CRYBG1: variants seen among roughly 807,000 people sequenced by gnomAD.
The protein encoded by CRYBG1 is crystallin beta-gamma domain containing 1, also known as beta/gamma crystallin domain-containing protein 1.
Under a neutral mutation model 189.2 loss-of-function variants are expected in CRYBG1, and 139 were observed. The ratio of observed to expected loss-of-function variants is 0.73; its 90% CI spans 0.64 to 0.85. The LOEUF is 0.85. Ranked by LOEUF, CRYBG1 falls within the 40% of genes least tolerant of loss-of-function variation. The pLI, the probability that CRYBG1 is intolerant of heterozygous loss-of-function variation, is 0.00. For missense variants in CRYBG1, 2,611 were observed against 2,675.8 expected, an observed-to-expected ratio of 0.98 and a Z score of 0.53; for synonymous variants, 1,023 against 1,017.1, an observed-to-expected ratio of 1.01 and a Z score of -0.11.
chr6:106,528,628 A>G (rs1413954265), intron 7 of CRYBG1, among the ~76,000 whole-genome samples: 1 of 152,116 alleles, frequency 6.6e-6, no homozygotes, highest in Non-Finnish European at 1.5e-5. Flanking sequence ...GTGATTGGCA[A>G]CTGGGGAAGG....
At chr6:106,472,846 G>C (rs948353809) in intron 2 of CRYBG1, among the ~76,000 whole-genome samples, 4 of 150,750 alleles carry the variant, frequency 2.7e-5, no homozygotes, top group African/African-American at 9.8e-5. Flanking sequence ...GGAGGCTACA[G>C]TGAGCCAAGA....
intron 2 of CRYBG1, among the ~76,000 whole-genome samples, chr6:106,500,428 A>C (rs1465127274): frequency 7.2e-5 from 7 of 96,812 alleles, no homozygotes; most frequent in Middle Eastern, 4.6e-3. Flanking sequence ...CACTAAAAAA[A>C]AAAACAAAAA....
At chr6:106,384,049 G>A (rs1770338233) in intron 1 of CRYBG1, among the ~76,000 whole-genome samples, 2 of 152,238 alleles carry the variant, frequency 1.3e-5, no homozygotes, top group Admixed American at 1.3e-4. Flanking sequence ...CCAGGTGACA[G>A]CAGGTGTGAA....
rs1207715370 is a variant in CRYBG1, at chr6:106,511,830, T to C, written c.713T>C (p.Leu238Pro). 2 of 1,518,238 alleles carry C rather than the reference T, an allele frequency of 1.3e-6. No homozygotes were observed. The highest frequency in any genetic ancestry group is 2.0e-5 in the Admixed American group (1 of 49,280). 94.0% of individuals were successfully genotyped at this position (1,518,238 alleles called of 1,614,324 possible). ...HENDSPQLEPLEAEGEPFPDA... is the reference protein window; with the variant it reads ...HENDSPQLEPPEAEGEPFPDA... ...AATGATTCACCCCAATTAGAACCTCTGGAGGCAGAGGGAGAGCCTTTCCCA... is the reference window on the plus strand; with the variant it reads ...AATGATTCACCCCAATTAGAACCTCCGGAGGCAGAGGGAGAGCCTTTCCCA... Residue 238 changes from leucine to proline, a missense_variant, in exon 3 of 22, where the codon CTG (leucine) becomes CCG (proline). Around this residue, in one of 3 missense-constraint regions of CRYBG1, gnomAD observed 985 missense variants for 924.4 expected, o/e 1.07. Coordinates refer to ENST00000633556, the MANE Select transcript of CRYBG1 (RefSeq NM_001371242.2).
chr6:106,420,043 A>G (rs772974915), intron 1 of CRYBG1, among the ~76,000 whole-genome samples: 1 of 152,246 alleles, frequency 6.6e-6, no homozygotes, highest in Non-Finnish European at 1.5e-5. Flanking sequence ...TGAGTCCCAC[A>G]GAAGTCCTCC....
chr6:106,375,417 G>GTAAA (rs1491556320), intron 1 of CRYBG1, among the ~76,000 whole-genome samples: 1,429 of 133,326 alleles, frequency 0.011, 26 homozygotes, highest in African/African-American at 0.046. Context: ...AAGTAAGTAA[G>GTAAA]TAAGTAAATA....
chr6:106,516,810 G>C (rs1483201903), intron 3 of CRYBG1, among the ~76,000 whole-genome samples: 4 of 152,102 alleles, frequency 2.6e-5, no homozygotes, highest in African/African-American at 9.7e-5. Flanking sequence ...CTGTGGCCCT[G>C]TCACTTATCA....
At chr6:106,374,671 A>G (rs17066916) in intron 1 of CRYBG1, among the ~76,000 whole-genome samples, 8,488 of 152,332 alleles carry the variant, frequency 0.056, 394 homozygotes, top group East Asian at 0.16. Flanking sequence ...AAGGAATTCC[A>G]GAGAACACTT....
chr6:106,449,022 A>T (rs1307454553), intron 1 of CRYBG1, among the ~76,000 whole-genome samples: 1 of 152,184 alleles, frequency 6.6e-6, no homozygotes, highest in Non-Finnish European at 1.5e-5. Flanking sequence ...CTTTTGTTTT[A>T]TATGTGATAA....
chr6:106,371,992 A>G (rs939015701), intron 1 of CRYBG1, among the ~76,000 whole-genome samples: 1 of 152,204 alleles, frequency 6.6e-6, no homozygotes, highest in Non-Finnish European at 1.5e-5. Flanking sequence ...TAGAGAGGCG[A>G]TGTCTCCATC....
chr6:106,511,456 C>T lies in CRYBG1; in HGVS notation c.339C>T (p.Asn113=), dbSNP rs1773254761. 2.0e-6 allele frequency: 3 copies of T among 1,535,754 alleles called. No homozygotes were observed. In the South Asian group the frequency reaches 3.6e-5, roughly 18 times the overall value. The change falls in exon 3 of 22, where the codon AAC becomes AAT. Residue 113 remains asparagine (N), a synonymous_variant. Transcript: ENST00000633556. ...CCAGAGCACAACCTCCAGAAGACAA[C>T]AGAAGGAAGCCAGTTTTGGGGAAAC... The part of the protein sequence containing the change: ...KKSRAQPPED[N]RRKPVLGKLG...
At chr6:106,441,328 T>C (rs1403598360) in intron 1 of CRYBG1, among the ~76,000 whole-genome samples, 1 of 152,146 alleles carries the variant, frequency 6.6e-6, no homozygotes, top group African/African-American at 2.4e-5. Context: ...CAAGGACAAC[T>C]TTATTTGGAT....
chr6:106,452,799 C>A (rs751037794), intron 2 of CRYBG1, among the ~76,000 whole-genome samples: 1 of 152,154 alleles, frequency 6.6e-6, no homozygotes, highest in Non-Finnish European at 1.5e-5. Flanking sequence ...TGTAGAAAGA[C>A]ATTACTCATG....
At position 106,412,321 on chromosome 6, in the gene CRYBG1, T is replaced by C. The variant is rs114059080; in HGVS notation, c.174-39373T>C. Among the ~76,000 whole-genome samples, 1,040 of 152,352 alleles carry C rather than the reference T, an allele frequency of 6.8e-3. 15 individuals are homozygous for C. The highest frequency in any genetic ancestry group is 0.023 in the African/African-American group (971 of 41,588). ...TTATGCTGATGGCTTGAGTTTCCTC[T>C]TCTTTTGCCACTTTAAAATTCTCTT... On this transcript the variant is annotated intron_variant, in intron 1 of 21. Transcript: ENST00000633556.
rs1342204141 is a variant in CRYBG1 at position 106,521,039 on chromosome 6, C to T, written c.3831C>T (p.Ser1277=). The part of the protein sequence containing the change: ...TTAFSTSQNG[S]LSQSSVSQPT... ...CTTTCAGTACTTCTCAGAACGGTTC[C>T]CTATCTCAGTCTTCAGTGTCACAGC... The change falls in exon 4 of 22, where the codon TCC becomes TCT. Residue 1277 remains serine (S), a synonymous_variant. Coordinates refer to ENST00000633556, the MANE Select transcript of CRYBG1 (RefSeq NM_001371242.2). 5 of 1,614,030 alleles carry T rather than the reference C, an allele frequency of 3.1e-6. No homozygotes were observed. Among genetic ancestry groups the T allele is most frequent in the Admixed American group, 3.3e-5 (2 of 59,998 alleles).
At chr6:106,456,169 T>C (rs1426149616) in intron 2 of CRYBG1, among the ~76,000 whole-genome samples, 1 of 152,254 alleles carries the variant, frequency 6.6e-6, no homozygotes, top group Non-Finnish European at 1.5e-5. Context: ...GTTTTTGTTT[T>C]TTGAGACGGA....
intron 2 of CRYBG1, among the ~76,000 whole-genome samples, chr6:106,471,727 G>A (rs1250072851): frequency 6.6e-6 from 1 of 151,278 alleles, no homozygotes; most frequent in East Asian, 1.9e-4. Flanking sequence ...AGTTCTCCAG[G>A]CCTCCCCACC....
intron 13 of CRYBG1, among the ~76,000 whole-genome samples, chr6:106,545,596 T>C (rs958323486): frequency 6.6e-6 from 1 of 152,232 alleles, no homozygotes; most frequent in Non-Finnish European, 1.5e-5. Context: ...CTCTGTGTCT[T>C]GACTGGGCTT....
chr6:106,430,395 T>G (rs1232957990), intron 1 of CRYBG1, among the ~76,000 whole-genome samples: 1 of 152,112 alleles, frequency 6.6e-6, no homozygotes, highest in Non-Finnish European at 1.5e-5. Flanking sequence ...AGCAAGAACC[T>G]GTCTCAAACA....
Sources: gnomAD v4.1 joint callset for allele counts (sites outside exome capture counted in the v4.1 genomes callset) on GRCh38, gnomAD v4.1.1 for gene constraint, gnomAD v4.1.1 regional missense constraint, MANE v1.5 for transcripts, NCBI Gene and HGNC (gene_info 2026-07-23, HGNC 2026-07-21) for gene names.